Variants in FRMD3 observed in about 807,000 individuals in gnomAD.
FRMD3 encodes the protein FERM domain containing 3.
Under a neutral mutation model 70.2 loss-of-function variants are expected in FRMD3, and 33 were observed. The observed-to-expected ratio is 0.47, with a 90% CI of 0.36 to 0.63. The LOEUF (loss-of-function observed/expected upper bound fraction) is 0.63. FRMD3 is among the 20% of genes least tolerant of loss of function. FRMD3 has a pLI of 0.00. For missense variants in FRMD3, 632 were observed against 711.4 expected, an observed-to-expected ratio of 0.89 and a Z score of 1.27; for synonymous variants, 279 against 255.9, an observed-to-expected ratio of 1.09 and a Z score of -0.86.
chr9:83,304,594 T>C (rs1835052458), intron 10 of FRMD3, among the ~76,000 whole-genome samples: 1 of 152,194 alleles, frequency 6.6e-6, no homozygotes, highest in Non-Finnish European at 1.5e-5. Context: ...GAATAAGAAA[T>C]GTATTAGGAA....
chr9:83,417,569 C>T (rs1826493627), intron 1 of FRMD3, among the ~76,000 whole-genome samples: 1 of 152,142 alleles, frequency 6.6e-6, no homozygotes, highest in African/African-American at 2.4e-5. Flanking sequence ...ACTTTGCACC[C>T]CTTACCTGGA....
intron 6 of FRMD3, among the ~76,000 whole-genome samples, chr9:83,332,182 C>G (rs1447974901): frequency 6.6e-6 from 1 of 152,198 alleles, no homozygotes; most frequent in African/African-American, 2.4e-5. Context: ...TGATCGATAA[C>G]TATAACATGC....
chr9:83,249,227 C>T (rs188722029), intron 13 of FRMD3, among the ~76,000 whole-genome samples: 5 of 152,136 alleles, frequency 3.3e-5, no homozygotes, highest in Non-Finnish European at 7.4e-5. Flanking sequence ...TTTTTTTCCC[C>T]TCTTGTTTTA....
intron 1 of FRMD3, among the ~76,000 whole-genome samples, chr9:83,424,740 A>G (rs1054236025): frequency 3.9e-5 from 6 of 152,272 alleles, no homozygotes; most frequent in Non-Finnish European, 1.5e-5. Context: ...TTTAAAAACA[A>G]GAAGACAGAT....
chr9:83,333,361 AACTT>A (rs1823458089), intron 6 of FRMD3, among the ~76,000 whole-genome samples: 1 of 152,206 alleles, frequency 6.6e-6, no homozygotes, highest in African/African-American at 2.4e-5. Context: ...CAAACCACAG[AACTT>A]ACTTCCAAGA....
intron 1 of FRMD3, among the ~76,000 whole-genome samples, chr9:83,492,859 G>A (rs992360116): frequency 6.6e-5 from 10 of 152,108 alleles, no homozygotes; most frequent in East Asian, 1.9e-4. Context: ...TGGAAAATTC[G>A]TCAAGCTCGT....
At position 83,397,108 on chromosome 9, in the gene FRMD3, G is replaced by A. The variant is rs188360692; in HGVS notation, c.148-7400C>T. On this transcript the variant is annotated intron_variant, in intron 1 of 13. Transcript: ENST00000304195. ...CTATCAGTCAGCATAGCGTTTTGGT[G>A]TTTTTGAATGGGGAGACTGCACATA... Among the ~76,000 whole-genome samples the A allele has an allele frequency of 2.1e-3, 318 of 152,314 alleles. 4 individuals are homozygous for A. Among genetic ancestry groups the A allele is most frequent in the Non-Finnish European group, 9.4e-4 (64 of 68,024 alleles).
intron 13 of FRMD3, chr9:83,276,663 C>G (rs929298290): frequency 6.6e-6 from 1 of 152,204 alleles, no homozygotes; most frequent in Admixed American, 6.5e-5. Flanking sequence ...TCGCTACATG[C>G]AAAACAAGTT....
intron 1 of FRMD3, among the ~76,000 whole-genome samples, chr9:83,459,471 T>C (rs1827909843): frequency 1.3e-5 from 2 of 152,220 alleles, no homozygotes; most frequent in Admixed American, 6.5e-5. Flanking sequence ...GATAATATCT[T>C]ACATGTACCT....
intron 1 of FRMD3, among the ~76,000 whole-genome samples, chr9:83,483,436 G>C (rs1828614751): frequency 6.6e-6 from 1 of 152,110 alleles, no homozygotes; most frequent in African/African-American, 2.4e-5. Context: ...GTCATTCCTA[G>C]AGCTCAGCTC....
intron 1 of FRMD3, among the ~76,000 whole-genome samples, chr9:83,464,665 G>A (rs1042405335): frequency 2.0e-5 from 3 of 152,086 alleles, no homozygotes; most frequent in African/African-American, 7.2e-5. Flanking sequence ...CCTGGGTTGT[G>A]GGTTTTCATT....
the FRMD3 span, among the ~76,000 whole-genome samples, chr9:83,585,085 C>T: frequency 6.6e-6 from 1 of 152,106 alleles, no homozygotes. Flanking sequence ...GACTGGCAAA[C>T]CCTGAGTCCT....
At chr9:83,518,101 C>A (rs915780689) in intron 1 of FRMD3, among the ~76,000 whole-genome samples, 3 of 152,194 alleles carry the variant, frequency 2.0e-5, no homozygotes, top group African/African-American at 7.2e-5. Flanking sequence ...TGCCCTCTTT[C>A]ACCACTCCTG....
At chr9:83,584,869 G>A in the FRMD3 span, among the ~76,000 whole-genome samples, 1 of 152,196 alleles carries the variant, frequency 6.6e-6, no homozygotes, top group Non-Finnish European at 1.5e-5. Context: ...GTGTCACGCA[G>A]TGTTAGCTCT....
chr9:83,537,986 C>T lies in FRMD3; in HGVS notation c.147+99G>A, dbSNP rs1829936006. On this transcript the variant is annotated intron_variant, in intron 1 of 13. Coordinates refer to ENST00000304195, the MANE Select transcript of FRMD3 (RefSeq NM_174938.6). The surrounding 1 kb of genome is among the most constrained non-coding windows in gnomAD (Gnocchi z 4.1). ...TGGCTTTCTAGCAGTCCCCCAATCC[C>T]CTCCGGGAGTGGGTTCCTTGTTCTC... is the stretch of plus-strand genomic sequence containing the variant. 7.3e-6 allele frequency: 10 copies of T among 1,373,748 alleles called. 1 individual carries two copies. In the South Asian group the frequency reaches 1.2e-4, roughly 16 times the overall value. 85.1% of individuals were successfully genotyped at this position (1,373,748 alleles called of 1,614,324 possible).
the FRMD3 span, among the ~76,000 whole-genome samples, chr9:83,544,811 A>C: frequency 2.0e-5 from 3 of 152,234 alleles, no homozygotes; most frequent in Admixed American, 2.0e-4. Flanking sequence ...GCCCCCTGAA[A>C]GCACCAAGAA....
At chr9:83,491,755 C>T (rs1477425316) in intron 1 of FRMD3, among the ~76,000 whole-genome samples, 1 of 152,206 alleles carries the variant, frequency 6.6e-6, no homozygotes, top group Non-Finnish European at 1.5e-5. Context: ...GATTATGTTA[C>T]ACTCAGTCAG....
intron 4 of FRMD3, among the ~76,000 whole-genome samples, chr9:83,347,541 T>TA (rs1324804961): frequency 6.6e-6 from 1 of 152,214 alleles, no homozygotes; most frequent in Non-Finnish European, 1.5e-5. Flanking sequence ...TAAAGGATTG[T>TA]AAGATGATTG....
At chr9:83,305,094 A>G (rs1255608330) in intron 10 of FRMD3, among the ~76,000 whole-genome samples, 1 of 152,194 alleles carries the variant, frequency 6.6e-6, no homozygotes. Flanking sequence ...GAAGGAACAA[A>G]CCATCTAGGA....
Sources: allele counts gnomAD v4.1 joint callset (sites outside exome capture counted in the v4.1 genomes callset), GRCh38; gene constraint gnomAD v4.1.1; non-coding constraint Gnocchi (gnomAD v3.1); transcripts MANE v1.5; gene names NCBI Gene and HGNC (gene_info 2026-07-23, HGNC 2026-07-21).